The following ROCK1 variants were observed in gnomAD, a reference collection of about 807,000 sequenced individuals.
The protein encoded by ROCK1 is Rho associated coiled-coil containing protein kinase 1.
A neutral mutation model predicts 196.8 loss-of-function variants in ROCK1; 36 were observed. That is an observed-to-expected ratio of 0.18 (90% CI 0.14 to 0.24). The LOEUF (loss-of-function observed/expected upper bound fraction) is 0.24. ROCK1 is among the 10% of genes least tolerant of loss of function. ROCK1 has a pLI of 1.00. For missense variants in ROCK1, 920 were observed against 1,562.0 expected (o/e 0.59, Z 6.93); for synonymous variants, 443 against 515.9 (o/e 0.86, Z 1.91).
intron 11 of ROCK1, among the ~76,000 whole-genome samples, chr18:21,022,793 A>C (rs185783410): frequency 6.6e-6 from 1 of 152,228 alleles, no homozygotes; most frequent in Admixed American, 6.5e-5. Flanking sequence ...TGTTCACAGC[A>C]TGTTAATCAT....
chr18:20,996,796 A>T (rs1338835546), intron 16 of ROCK1, among the ~76,000 whole-genome samples: 1 of 152,210 alleles, frequency 6.6e-6, no homozygotes, highest in Admixed American at 6.5e-5. Flanking sequence ...CAGGGGACTA[A>T]GTTAAAGTGT....
At chr18:21,102,574 C>T (rs565688418) in intron 1 of ROCK1, among the ~76,000 whole-genome samples, 1 of 152,180 alleles carries the variant, frequency 6.6e-6, no homozygotes, top group Non-Finnish European at 1.5e-5. Flanking sequence ...TTGCAGTCCA[C>T]TGTTTCAAAA....
At chr18:21,064,625 C>T (rs2036318704) in intron 2 of ROCK1, among the ~76,000 whole-genome samples, 1 of 152,208 alleles carries the variant, frequency 6.6e-6, no homozygotes, top group Non-Finnish European at 1.5e-5. Context: ...GAGAGAATGA[C>T]TTGTAAAGGG....
At chr18:20,969,731 T>C (rs2143360652) in intron 23 of ROCK1, among the ~76,000 whole-genome samples, 1 of 152,298 alleles carries the variant, frequency 6.6e-6, no homozygotes, top group South Asian at 2.1e-4. Flanking sequence ...TTCTATTTTA[T>C]AGATGAGAAA....
At chr18:21,077,606 C>T (rs113429472) in intron 1 of ROCK1, among the ~76,000 whole-genome samples, 3 of 6,350 alleles carry the variant, frequency 4.7e-4, no homozygotes, top group Non-Finnish European at 1.6e-3. Context: ...AGAAGTGGGG[C>T]GAGACTTTTT....
intron 1 of ROCK1, among the ~76,000 whole-genome samples, chr18:21,074,812 G>A (rs1353673023): frequency 1.3e-5 from 2 of 152,212 alleles, no homozygotes; most frequent in Non-Finnish European, 2.9e-5. Flanking sequence ...GATATCAAGT[G>A]TTATAAGTAG....
chr18:21,106,272 A>C (rs2143609082), intron 1 of ROCK1, among the ~76,000 whole-genome samples: 1 of 152,286 alleles, frequency 6.6e-6, no homozygotes, highest in African/African-American at 2.4e-5. Flanking sequence ...AAACTTCAAA[A>C]CAAATGTATC....
chr18:21,066,335 CAT>C (rs1231754809), intron 2 of ROCK1, among the ~76,000 whole-genome samples: 1 of 152,094 alleles, frequency 6.6e-6, no homozygotes, highest in Non-Finnish European at 1.5e-5. Context: ...ATGGTAGCCA[CAT>C]ACATTGTTTT....
intron 2 of ROCK1, 144 bp from the exon 3 acceptor site, chr18:21,050,024 G>A (rs1002376731): frequency 3.5e-5 from 17 of 492,342 alleles, no homozygotes; most frequent in Non-Finnish European, 5.6e-5. Flanking sequence ...GAAACTTGAA[G>A]CTATAAAGTA....
rs1307249453 is a variant in ROCK1, at chr18:20,947,892, C to G, written c.*3492G>C. On this transcript the variant is annotated 3_prime_UTR_variant, in exon 33 of 33. Coordinates refer to ENST00000399799, the MANE Select transcript of ROCK1 (RefSeq NM_005406.3). The stretch of plus-strand genomic sequence containing the variant: ...GGAGGCCAAGGTGGGTGTGGATCAC[C>G]TGAGGTCAGGAGTTCAAGACCAGGC... 6.6e-6 allele frequency: 1 copy of G among 151,752 alleles called. No homozygotes were observed. Among genetic ancestry groups the G allele is most frequent in the African/African-American group, 2.4e-5 (1 of 41,274 alleles). The allele number at this position is 151,752 out of a possible 1,614,324, so 9.4% of individuals were successfully genotyped here. A position where few individuals can be genotyped will look rare whatever the true frequency, so the allele number is the denominator to read the frequency against.
At chr18:21,005,370 T>G (rs1200143146) in intron 16 of ROCK1, among the ~76,000 whole-genome samples, 1 of 152,224 alleles carries the variant, frequency 6.6e-6, no homozygotes, top group Non-Finnish European at 1.5e-5. Context: ...CAACGATGCA[T>G]GAGGAATTCC....
intron 2 of ROCK1, among the ~76,000 whole-genome samples, chr18:21,050,557 G>A (rs1207894186): frequency 6.6e-6 from 1 of 152,012 alleles, no homozygotes; most frequent in African/African-American, 2.4e-5. Context: ...TTAAAATAGG[G>A]CTATTTTAAT....
chr18:21,026,445 G>GA (rs747563785), intron 10 of ROCK1, among the ~76,000 whole-genome samples: 2,049 of 35,080 alleles, frequency 0.058, 172 homozygotes, highest in African/African-American at 0.13. Flanking sequence ...ACTCTGTCTC[G>GA]AAAAAAAAAA....
chr18:21,020,426 C>T (rs2143463059), intron 11 of ROCK1, among the ~76,000 whole-genome samples, 187 bp from the exon 12 acceptor site: 1 of 152,002 alleles, frequency 6.6e-6, no homozygotes, highest in South Asian at 2.1e-4. Flanking sequence ...AACGTTAGGC[C>T]ATTAGAAATA....
intron 16 of ROCK1, among the ~76,000 whole-genome samples, chr18:20,999,776 C>CA (rs1443303145): frequency 1.3e-5 from 2 of 152,094 alleles, no homozygotes; most frequent in Non-Finnish European, 2.9e-5. Flanking sequence ...AACAGGCGTG[C>CA]ACCACCACAC....
chr18:20,965,248 G>C (rs141199723), intron 27 of ROCK1, among the ~76,000 whole-genome samples: 7 of 151,932 alleles, frequency 4.6e-5, no homozygotes. Flanking sequence ...AAAATTAGCC[G>C]GGTGTGGTGA....
At chr18:21,104,025 C>G (rs1281502059) in intron 1 of ROCK1, among the ~76,000 whole-genome samples, 2 of 152,168 alleles carry the variant, frequency 1.3e-5, no homozygotes, top group African/African-American at 4.8e-5. Flanking sequence ...TGGACTTAAA[C>G]TAAATGGATA....
chr18:21,101,002 C>T (rs1347201880), intron 1 of ROCK1, among the ~76,000 whole-genome samples: 4 of 152,176 alleles, frequency 2.6e-5, no homozygotes, highest in Non-Finnish European at 5.9e-5. Context: ...TTTACTTAAA[C>T]TCCCCTCAAG....
chr18:21,045,080 C>A, intron 5 of ROCK1: 1 of 293,080 alleles, frequency 3.4e-6, no homozygotes, highest in Non-Finnish European at 6.2e-6. Context: ...AGGCTGGTGT[C>A]AAACTCCTGA....
Sources: allele counts gnomAD v4.1 joint callset (sites outside exome capture counted in the v4.1 genomes callset), GRCh38; gene constraint gnomAD v4.1.1; transcripts MANE v1.5; gene names NCBI Gene and HGNC (gene_info 2026-07-23, HGNC 2026-07-21).